The following CLEC4A variants were observed in gnomAD, a reference collection of about 807,000 sequenced individuals.
CLEC4A encodes C-type lectin domain family 4 member A, also known as C-type (calcium dependent, carbohydrate-recognition domain) lectin, superfamily member 6.
Under a neutral mutation model 32.7 loss-of-function variants are expected in CLEC4A, and 27 were observed. The observed-to-expected ratio is 0.83, with a 90% confidence interval of 0.61 to 1.14. The LOEUF is 1.14. Among genes scored for constraint, CLEC4A ranks in the 50% most tolerant of loss-of-function variants. The pLI is 0.00. For missense variants in CLEC4A, 253 were observed against 274.6 expected, an observed-to-expected ratio of 0.92 and a Z score of 0.55; for synonymous variants, 89 against 93.7, an observed-to-expected ratio of 0.95 and a Z score of 0.29.
chr12:8,104,936 A>C, the CLEC4A span, among the ~76,000 whole-genome samples: 1 of 152,176 alleles, frequency 6.6e-6, no homozygotes, highest in Non-Finnish European at 1.5e-5. Context: ...ATAGTATTCC[A>C]TAGTGTATAT....
At chr12:8,134,526 C>A in intron 3 of CLEC4A, 5 of 1,613,812 alleles carry the variant, frequency 3.1e-6, no homozygotes, top group African/African-American at 2.7e-5. Flanking sequence ...CGGGGAGGCC[C>A]CATCGGAGTT....
At position 8,134,987 on chromosome 12, in the gene CLEC4A, T is replaced by TTG. The variant is rs1179545198; in HGVS notation, c.299-597_299-596insGT. ...CTTGTTGAAGCGTTTTTGTTTTTTG[T>TTG]TTTTTTTTAATCATGGCTGCTTTTA... On this transcript the variant is annotated intron_variant, in intron 3 of 5. Coordinates refer to ENST00000229332, the MANE Select transcript of CLEC4A (RefSeq NM_016184.4). 3.0e-4 allele frequency: 67 copies of TTG among 225,298 alleles called. 12 individuals are homozygous for TTG. The South Asian group carries it at 9.8e-3, about 33-fold the overall frequency. The allele number at this position is 225,298 out of a possible 1,614,324, so 14.0% of individuals were successfully genotyped here.
chr12:8,113,212 C>A, the CLEC4A span, among the ~76,000 whole-genome samples: 1 of 147,564 alleles, frequency 6.8e-6, no homozygotes, highest in Non-Finnish European at 1.5e-5. Flanking sequence ...TGAGAACATG[C>A]GGTGTTTGGT....
chr12:8,124,594 T>C (rs1591606145), intron 1 of CLEC4A, among the ~76,000 whole-genome samples: 1 of 152,286 alleles, frequency 6.6e-6, no homozygotes, highest in East Asian at 1.9e-4. Context: ...GTGTCATGTG[T>C]GATATCTCAA....
intron 2 of CLEC4A, among the ~76,000 whole-genome samples, chr12:8,126,420 A>G (rs1385464382): frequency 7.4e-6 from 1 of 134,730 alleles, no homozygotes; most frequent in Non-Finnish European, 1.6e-5. Context: ...GGGTTTTCTC[A>G]TGTTTCCTGG....
the CLEC4A span, among the ~76,000 whole-genome samples, chr12:8,108,585 G>T: frequency 1.5e-4 from 23 of 152,204 alleles, no homozygotes; most frequent in African/African-American, 5.5e-4. Context: ...TTACTTGTGG[G>T]TCCTTAGCCT....
chr12:8,125,518 A>C, intron 1 of CLEC4A, 43 bp from the exon 2 acceptor site: 1 of 1,135,784 alleles, frequency 8.8e-7, no homozygotes, highest in Non-Finnish European at 1.3e-6. Context: ...GGAAGTAAAG[A>C]CCAAACTTAT....
the CLEC4A span, among the ~76,000 whole-genome samples, chr12:8,113,443 GT>G: frequency 6.6e-6 from 1 of 152,100 alleles, no homozygotes; most frequent in African/African-American, 2.4e-5. Context: ...ATTGGTTTTT[GT>G]TTTAGTGTTG....
At chr12:8,108,077 G>A in the CLEC4A span, among the ~76,000 whole-genome samples, 3 of 152,022 alleles carry the variant, frequency 2.0e-5, no homozygotes, top group African/African-American at 7.2e-5. Context: ...AGAGATTCTG[G>A]TATATTGTAT....
At chr12:8,110,263 A>G in the CLEC4A span, among the ~76,000 whole-genome samples, 1 of 152,110 alleles carries the variant, frequency 6.6e-6, no homozygotes, top group African/African-American at 2.4e-5. Context: ...ATGGTTATCC[A>G]TATTTCACAG....
chr12:8,137,776 A>G (rs1948149395), intron 5 of CLEC4A, among the ~76,000 whole-genome samples: 1 of 152,168 alleles, frequency 6.6e-6, no homozygotes, highest in Non-Finnish European at 1.5e-5. Context: ...AAAAAAGGAA[A>G]AAACTCTATT....
chr12:8,122,327 G>A (rs1947839576), upstream of CLEC4A, among the ~76,000 whole-genome samples: 1 of 151,870 alleles, frequency 6.6e-6, no homozygotes, highest in Non-Finnish European at 1.5e-5. Context: ...AGAACCTAAG[G>A]GGGTCTAAGT....
chr12:8,113,279 C>T, the CLEC4A span, among the ~76,000 whole-genome samples: 1 of 151,968 alleles, frequency 6.6e-6, no homozygotes, highest in Non-Finnish European at 1.5e-5. Context: ...ATCCATGTCC[C>T]TACAAAGGAC....
rs1333763884 is a variant in CLEC4A, at chr12:8,124,026, T to A, written c.82+66T>A. On this transcript the variant is annotated intron_variant, in intron 1 of 5. Transcript: ENST00000229332. ...GAAGGATGAGGAGAGGGTTTATGAATAAGGCATAGGTGTTTTCAGTTGCTG... is the reference window on the plus strand; with the variant it reads ...GAAGGATGAGGAGAGGGTTTATGAAAAAGGCATAGGTGTTTTCAGTTGCTG... 1.7e-5 allele frequency: 18 copies of A among 1,059,690 alleles called. No homozygotes were observed. In the Admixed American group the frequency reaches 2.7e-4, roughly 16 times the overall value. 65.6% of individuals were successfully genotyped at this position (1,059,690 alleles called of 1,614,324 possible).
intron 3 of CLEC4A, chr12:8,134,124 T>C: frequency 6.2e-7 from 1 of 1,600,820 alleles, no homozygotes; most frequent in East Asian, 2.2e-5. Flanking sequence ...TTCTCCAGGT[T>C]GCCTCTCACT....
chr12:8,134,727 G>A, intron 3 of CLEC4A: 1 of 1,564,264 alleles, frequency 6.4e-7, no homozygotes, highest in Non-Finnish European at 8.7e-7. Flanking sequence ...TGGCCCTCCA[G>A]GAGGGCCTTG....
chr12:8,135,503 C>T (rs1948097190), intron 3 of CLEC4A, 82 bp from the exon 4 acceptor site: 5 of 1,455,834 alleles, frequency 3.4e-6, no homozygotes, highest in Non-Finnish European at 4.7e-6. Flanking sequence ...TGTGCTCTCT[C>T]TTGGCTCTTA....
chr12:8,138,591 A>C lies in CLEC4A; in HGVS notation c.*304A>C, dbSNP rs1948169080. The C allele has an allele frequency of 5.2e-6, 1 of 190,892 alleles. No individual in the cohort carries two copies. The highest frequency in any genetic ancestry group is 1.1e-5 in the Non-Finnish European group (1 of 93,716). 11.8% of individuals were successfully genotyped at this position (190,892 alleles called of 1,614,324 possible). On this transcript the variant is annotated 3_prime_UTR_variant, in exon 6 of 6. Coordinates refer to ENST00000229332, the MANE Select transcript of CLEC4A (RefSeq NM_016184.4). ...TAAAGAATTATTTACCAATAAAATT[A>C]TATGATGTGGTGTCTCCTCCTGTCT... is the stretch of plus-strand genomic sequence containing the variant.
In CLEC4A at chr12:8,125,565, C is replaced by T. The variant is rs1311212749; in HGVS notation, c.87C>T (p.Ser29=). ...SGINTASSAA[S]KERTAPHKSN... ...CTAATTTGGCTTCTTCTTCAGCTTCCAAGGAGAGGACTGCCCCTCACAAAA... is the reference window on the plus strand; with the variant it reads ...CTAATTTGGCTTCTTCTTCAGCTTCTAAGGAGAGGACTGCCCCTCACAAAA... The change falls in exon 2 of 6, where the codon TCC becomes TCT. Residue 29 remains serine (S), a synonymous_variant. Transcript: ENST00000229332. The T allele has an allele frequency of 1.3e-6, 2 of 1,592,190 alleles. No homozygotes were observed. The highest frequency in any genetic ancestry group is 8.6e-7 in the Non-Finnish European group (1 of 1,160,410).
Sources: allele counts gnomAD v4.1 joint callset (sites outside exome capture counted in the v4.1 genomes callset), GRCh38; gene constraint gnomAD v4.1.1; transcripts MANE v1.5; gene names NCBI Gene and HGNC (gene_info 2026-07-23, HGNC 2026-07-21).